RANBP2: variants seen among roughly 807,000 people sequenced by gnomAD.
RANBP2 encodes the protein RAN binding protein 2.
Under a neutral mutation model 303.6 loss-of-function variants are expected in RANBP2, and 57 were observed. That is an observed-to-expected ratio of 0.19 (90% CI 0.15 to 0.23). The LOEUF (loss-of-function observed/expected upper bound fraction) is 0.23, where lower values mean the gene tolerates loss of function less well. Among genes scored for constraint, RANBP2 ranks in the 10% least tolerant of loss-of-function variants. The pLI, the probability that RANBP2 is intolerant of heterozygous loss-of-function variation, is 1.00. For synonymous variants in RANBP2, 1,167 were observed against 1,301.5 expected, an observed-to-expected ratio of 0.90 and a Z score of 2.23; for missense variants, 3,138 against 3,780.8, an observed-to-expected ratio of 0.83 and a Z score of 4.46.
At chr2:109,508,645 A>C in the RANBP2 span, among the ~76,000 whole-genome samples, 2 of 152,072 alleles carry the variant, frequency 1.3e-5, no homozygotes, top group Non-Finnish European at 2.9e-5. Flanking sequence ...AAAAAATGGA[A>C]GCAGATGAAA....
At chr2:109,559,743 G>A in the RANBP2 span, among the ~76,000 whole-genome samples, 1 of 152,054 alleles carries the variant, frequency 6.6e-6, no homozygotes, top group African/African-American at 2.4e-5. Context: ...CAGGCCTACT[G>A]GACATTCTTT....
At chr2:109,520,399 A>G in the RANBP2 span, among the ~76,000 whole-genome samples, 26,375 of 150,412 alleles carry the variant, frequency 0.18, 4,668 homozygotes, top group African/African-American at 0.43. Flanking sequence ...TCAGGAGATC[A>G]AGACCACCCT....
intron 8 of RANBP2, among the ~76,000 whole-genome samples, chr2:108,747,845 G>A (rs826559): frequency 0.36 from 54,514 of 151,910 alleles, 13,150 homozygotes; most frequent in African/African-American, 0.69. Flanking sequence ...TAAAGTGTAC[G>A]GTTCAGTGGC....
chr2:109,764,603 C>T, the RANBP2 span, among the ~76,000 whole-genome samples: 1 of 149,114 alleles, frequency 6.7e-6, no homozygotes, highest in Admixed American at 6.9e-5. Context: ...AAGTTTTCAA[C>T]ACTGGTGATT....
the RANBP2 span, among the ~76,000 whole-genome samples, chr2:109,036,298 T>G: frequency 6.6e-6 from 1 of 152,162 alleles, no homozygotes; most frequent in Non-Finnish European, 1.5e-5. Context: ...ACACACTCTA[T>G]CTCAGAAAGT....
At chr2:109,458,572 C>CAGAGAGAG in the RANBP2 span, among the ~76,000 whole-genome samples, 520 of 123,028 alleles carry the variant, frequency 4.2e-3, 34 homozygotes, top group African/African-American at 7.2e-3. Context: ...CAGCAGGAGA[C>CAGAGAGAG]AGAGAGAGAG....
At chr2:108,968,074 C>T in the RANBP2 span, among the ~76,000 whole-genome samples, 3 of 152,168 alleles carry the variant, frequency 2.0e-5, no homozygotes, top group Non-Finnish European at 4.4e-5. Context: ...GTCCCAGGCC[C>T]TGGGATGGAG....
chr2:109,303,461 C>CT, the RANBP2 span, among the ~76,000 whole-genome samples: 15 of 152,184 alleles, frequency 9.9e-5, no homozygotes, highest in Non-Finnish European at 5.9e-5. Context: ...TGGCAGAACA[C>CT]TAAGAAGATG....
chr2:108,760,039 G>A (rs1232606412), intron 18 of RANBP2, among the ~76,000 whole-genome samples: 6 of 151,970 alleles, frequency 3.9e-5, no homozygotes, highest in African/African-American at 7.2e-5. Flanking sequence ...CTGAAAGGGC[G>A]AGAGCCAAGA....
the RANBP2 span, among the ~76,000 whole-genome samples, chr2:109,658,989 C>T: frequency 1.3e-5 from 2 of 152,086 alleles, no homozygotes; most frequent in Non-Finnish European, 2.9e-5. Flanking sequence ...GGCTTGAACT[C>T]AGGAGGCAGA....
At chr2:108,855,425 T>C in the RANBP2 span, among the ~76,000 whole-genome samples, 1 of 152,168 alleles carries the variant, frequency 6.6e-6, no homozygotes, top group South Asian at 2.1e-4. Context: ...ATAAAACTTT[T>C]GTTCCTATAA....
chr2:109,394,933 A>G, the RANBP2 span, among the ~76,000 whole-genome samples: 1 of 152,258 alleles, frequency 6.6e-6, no homozygotes, highest in Non-Finnish European at 1.5e-5. Flanking sequence ...CGTCCCGCAC[A>G]GGCACTGGCA....
chr2:108,898,008 T>C, the RANBP2 span, among the ~76,000 whole-genome samples: 118,251 of 152,140 alleles, frequency 0.78, 47,171 homozygotes, highest in East Asian at 0.97. Flanking sequence ...TCCAAAAATC[T>C]GGAAATAATA....
chr2:108,727,648 C>G (rs1229892289), intron 1 of RANBP2, among the ~76,000 whole-genome samples: 1,678 of 147,056 alleles, frequency 0.011, 40 homozygotes, highest in African/African-American at 0.041. Context: ...CTGTTGCCCA[C>G]GCTGGAGTGC....
At chr2:109,400,348 TTACA>T in the RANBP2 span, among the ~76,000 whole-genome samples, 51 of 151,978 alleles carry the variant, frequency 3.4e-4, no homozygotes, top group South Asian at 0.01. Flanking sequence ...ACATGTGCAC[TTACA>T]TACACCGCCA....
At chr2:109,712,549 C>T in the RANBP2 span, among the ~76,000 whole-genome samples, 1,163 of 152,200 alleles carry the variant, frequency 7.6e-3, 5 homozygotes, top group Middle Eastern at 0.02. Flanking sequence ...CTCCTGCCTC[C>T]GCCTCCCAAG....
chr2:109,302,101 T>C, the RANBP2 span, among the ~76,000 whole-genome samples: 1 of 152,176 alleles, frequency 6.6e-6, no homozygotes, highest in African/African-American at 2.4e-5. Context: ...CCCACTGCAA[T>C]CGATAGCAGA....
At chr2:109,684,615 CCT>C in the RANBP2 span, among the ~76,000 whole-genome samples, 1 of 148,490 alleles carries the variant, frequency 6.7e-6, no homozygotes, top group Non-Finnish European at 1.5e-5. Context: ...CTCACTGCAG[CCT>C]CTGTCTCCCG....
chr2:109,598,806 G>A, the RANBP2 span, among the ~76,000 whole-genome samples: 1 of 152,202 alleles, frequency 6.6e-6, no homozygotes, highest in Admixed American at 6.5e-5. Flanking sequence ...CTTGAACCAG[G>A]GAGGCGGAGG....
Sources: gnomAD v4.1 joint callset for allele counts (sites outside exome capture counted in the v4.1 genomes callset) on GRCh38, gnomAD v4.1.1 for gene constraint, MANE v1.5 for transcripts, NCBI Gene and HGNC (gene_info 2026-07-23, HGNC 2026-07-21) for gene names.